PRSS41: variants seen among roughly 807,000 people sequenced by gnomAD.
PRSS41 encodes the protein protease, serine 41.
Under a neutral mutation model 28.8 loss-of-function variants are expected in PRSS41, and 37 were observed. The observed-to-expected ratio is 1.29, with a 90% CI of 0.99 to 1.69. The LOEUF (loss-of-function observed/expected upper bound fraction) is 1.69, where lower values mean the gene tolerates loss of function less well. Ranked by LOEUF, PRSS41 falls within the 40% of genes most tolerant of loss-of-function variation. PRSS41 has a pLI of 0.00. For synonymous variants in PRSS41, 195 were observed against 163.1 expected (o/e 1.20, Z -1.49); for missense variants, 431 against 400.7 (o/e 1.08, Z -0.65).
intron 4 of PRSS41, among the ~76,000 whole-genome samples, chr16:2,800,118 C>T (rs1450810566): frequency 6.6e-6 from 1 of 152,152 alleles, no homozygotes; most frequent in Non-Finnish European, 1.5e-5. Context: ...GTGGTCTAGC[C>T]CATTGCTCCT....
rs565286739 is a variant in PRSS41, at chr16:2,801,333, CTT to C, written c.541+1765_541+1766del. Among the ~76,000 whole-genome samples the C allele has an allele frequency of 1.4e-3, 204 of 149,080 alleles. 2 individuals are homozygous for C. The highest frequency in any genetic ancestry group is 0.011 in the South Asian group (50 of 4,686). On this transcript the variant is annotated intron_variant, in intron 4 of 5. Transcript: ENST00000399677. ...CAATATGTAATGTTGTTCTTGGACTCTTATTTTTTTTTTTAATTTTTTTTTTA... is the reference window on the plus strand; with the variant it reads ...CAATATGTAATGTTGTTCTTGGACTCATTTTTTTTTTTAATTTTTTTTTTA...
chr16:2,799,997 C>T (rs2068975968), intron 4 of PRSS41, among the ~76,000 whole-genome samples: 1 of 152,222 alleles, frequency 6.6e-6, no homozygotes, highest in Non-Finnish European at 1.5e-5. Context: ...CACTTAATGA[C>T]CGGGATATGT....
At chr16:2,801,973 A>G (rs2068989826) in intron 4 of PRSS41, among the ~76,000 whole-genome samples, 2 of 127,332 alleles carry the variant, frequency 1.6e-5, no homozygotes, top group Admixed American at 7.8e-5. Flanking sequence ...CGGGGGGCTG[A>G]CCCCCCCACC....
At chr16:2,802,018 G>A (rs1223022837) in intron 4 of PRSS41, among the ~76,000 whole-genome samples, 1 of 147,706 alleles carries the variant, frequency 6.8e-6, no homozygotes, top group Non-Finnish European at 1.5e-5. Flanking sequence ...CGGGCGTGGG[G>A]CTGACCCCCC....
Position 2,799,605 on chromosome 16 carries a change from G to A in PRSS41, c.541+36G>A, listed in dbSNP as rs924505921. ...GGATAGACCGGGTGGGGTGATGGGG[G>A]TGCGGGGTGAGCATTACCCTCTACC... On this transcript the variant is annotated intron_variant, in intron 4 of 5. Coordinates refer to ENST00000399677, the Ensembl canonical transcript of PRSS41. The A allele has an allele frequency of 4.5e-6, 7 of 1,544,272 alleles. No homozygotes were observed. In the East Asian group the frequency reaches 9.8e-5, roughly 22 times the overall value.
At chr16:2,804,328 T>C in intron 4 of PRSS41, 61 bp from the exon 5 acceptor site, 1 of 1,529,056 alleles carries the variant, frequency 6.5e-7, no homozygotes. Flanking sequence ...CTTTCTCCTC[T>C]CCCTGCTCCA....
At position 2,798,950 on chromosome 16, in the gene PRSS41, C is replaced by T; in HGVS notation, c.92-9C>T. On this transcript the variant is annotated splice_polypyrimidine_tract_variant and intron_variant, in intron 2 of 5. Coordinates refer to ENST00000399677, the Ensembl canonical transcript of PRSS41. ...CGGCAGCTCAGCCGCGTCCGTCTGT[C>T]CATCCCAGAGGCCTGCGGCCACCGG... is the stretch of plus-strand genomic sequence containing the variant. 8.1e-7 allele frequency: 1 copy of T among 1,237,890 alleles called. No individual in the cohort carries two copies. The allele number at this position is 1,237,890 out of a possible 1,614,324, so 76.7% of individuals were successfully genotyped here.
intron 5 of PRSS41, 72 bp downstream of exon 5, chr16:2,804,618 C>T (rs962031419): frequency 7.1e-7 from 1 of 1,415,418 alleles, no homozygotes; most frequent in Non-Finnish European, 9.6e-7. Context: ...ACCATTTCTC[C>T]CCCAACCACT....
rs199739925 is a variant in PRSS41 at position 2,801,638 on chromosome 16, A to T, written c.541+2069A>T. On this transcript the variant is annotated intron_variant, in intron 4 of 5. Transcript: ENST00000399677. ...CCTGAGTGGACACAGCACATGTTTC[A>T]GAGAGCACAGGGTTGGGGGTAAGGT... Among the ~76,000 whole-genome samples the T allele has an allele frequency of 7.9e-5, 12 of 151,140 alleles. No individual in the cohort carries two copies. In the East Asian group the frequency reaches 2.3e-3, roughly 29 times the overall value.
At position 2,799,145 on chromosome 16, in the gene PRSS41, G is replaced by C. The variant is rs779586215; in HGVS notation, c.257+21G>C. 3 of 1,507,658 alleles carry C rather than the reference G, an allele frequency of 2.0e-6. No individual in the cohort carries two copies. In the South Asian group the frequency reaches 3.8e-5, roughly 19 times the overall value. The allele number at this position is 1,507,658 out of a possible 1,614,324, so 93.4% of individuals were successfully genotyped here. The stretch of plus-strand genomic sequence containing the variant: ...CAAAAGTGAGTCTGGGGGGCGGCCG[G>C]GGCCTCAGACTTGCTAATGGCCTCC... On this transcript the variant is annotated intron_variant, in intron 3 of 5. Coordinates refer to ENST00000399677, the Ensembl canonical transcript of PRSS41.
chr16:2,804,289 A>C, intron 4 of PRSS41, 100 bp from the exon 5 acceptor site: 3 of 1,278,784 alleles, frequency 2.3e-6, no homozygotes, highest in Non-Finnish European at 3.2e-6. Context: ...TGTGTCAGGG[A>C]CCTTCTCCCC....
chr16:2,805,242 C>G, exon 6 of PRSS41: 1 of 788,138 alleles, frequency 1.3e-6, no homozygotes, highest in East Asian at 2.7e-5. Context: ...GTTGGGACTG[C>G]CTGCTGGATC....
rs891350254 is a variant in PRSS41, at chr16:2,801,796, C to G, written c.541+2227C>G. ...TCTCAATCTTTTCCCCACCTTTCCC[C>G]GCTTTCTATTCCACAAAACCGCCAT... On this transcript the variant is annotated intron_variant, in intron 4 of 5. Transcript: ENST00000399677. Among the ~76,000 whole-genome samples the G allele has an allele frequency of 3.7e-3, 559 of 152,318 alleles. 4 individuals are homozygous for G. Among genetic ancestry groups the G allele is most frequent in the African/African-American group, 0.012 (504 of 41,560 alleles).
At chr16:2,802,554 G>C (rs2068996147) in intron 4 of PRSS41, among the ~76,000 whole-genome samples, 2 of 152,162 alleles carry the variant, frequency 1.3e-5, no homozygotes, top group Non-Finnish European at 2.9e-5. Flanking sequence ...AGGTTGTAGC[G>C]AGCCGAGATC....
At chr16:2,801,981 A>C (rs2068990007) in intron 4 of PRSS41, among the ~76,000 whole-genome samples, 1 of 135,322 alleles carries the variant, frequency 7.4e-6, no homozygotes, top group East Asian at 2.3e-4. Flanking sequence ...TGACCCCCCC[A>C]CCTCCCTCCC....
In PRSS41 at chr16:2,798,882, G is replaced by A. The variant is rs1419609844; in HGVS notation, c.92-77G>A. The A allele has an allele frequency of 1.3e-5, 18 of 1,428,064 alleles. No homozygotes were observed. The South Asian group carries it at 1.7e-4, about 14-fold the overall frequency. 88.5% of individuals were successfully genotyped at this position (1,428,064 alleles called of 1,614,324 possible). On this transcript the variant is annotated intron_variant, in intron 2 of 5. Coordinates refer to ENST00000399677, the Ensembl canonical transcript of PRSS41. ...GGGAGCCCCCCGCTGCGCGCACCCCGGGGCAAAGCCGGGCAGGGCGGGCCT... is the reference window on the plus strand; with the variant it reads ...GGGAGCCCCCCGCTGCGCGCACCCCAGGGCAAAGCCGGGCAGGGCGGGCCT...
intron 4 of PRSS41, among the ~76,000 whole-genome samples, chr16:2,801,892 G>C (rs1461897579): frequency 2.6e-5 from 4 of 151,894 alleles, no homozygotes; most frequent in Non-Finnish European, 5.9e-5. Flanking sequence ...GGGCAGAGGG[G>C]CTCCTCACTT....
intron 2 of PRSS41, 36 bp downstream of exon 2, chr16:2,798,698 G>T: frequency 1.4e-6 from 2 of 1,434,010 alleles, no homozygotes; most frequent in Non-Finnish European, 1.8e-6. Flanking sequence ...CAGCCAGGGC[G>T]GCTGGGCCGG....
In PRSS41 at chr16:2,805,008, G is replaced by A. The variant is rs749624258; in HGVS notation, c.794G>A (p.Arg265Gln). The stretch of plus-strand genomic sequence containing the variant: ...GGAATGGACTGCGGTCAACCCAATC[G>A]GCCTGGTGTCTACACCAACATCAGT... Residue 265 changes from arginine to glutamine, a missense_variant, in exon 6 of 6, where the codon CGG (arginine) becomes CAG (glutamine). Coordinates refer to ENST00000399677, the Ensembl canonical transcript of PRSS41. 2.8e-5 allele frequency: 44 copies of A among 1,573,066 alleles called. No individual in the cohort carries two copies. In the Admixed American group the frequency reaches 2.8e-4, roughly 10 times the overall value.
Sources: allele counts gnomAD v4.1 joint callset (sites outside exome capture counted in the v4.1 genomes callset), GRCh38; gene constraint gnomAD v4.1.1; transcripts MANE v1.5; gene names NCBI Gene and HGNC (gene_info 2026-07-23, HGNC 2026-07-21).